TMEM130: variants seen among roughly 807,000 people sequenced by gnomAD.
TMEM130 encodes transmembrane protein 130.
In TMEM130, 37 loss-of-function variants were observed where a neutral mutation model predicts 42.9. The ratio of observed to expected loss-of-function variants is 0.86; its 90% CI spans 0.66 to 1.13. The LOEUF (loss-of-function observed/expected upper bound fraction) is 1.13, where lower values mean the gene tolerates loss of function less well. TMEM130 is among the 50% of genes most tolerant of loss of function. TMEM130 has a pLI of 0.00. For missense variants in TMEM130, 545 were observed against 562.6 expected (o/e 0.97, Z 0.32); for synonymous variants, 259 against 237.7 (o/e 1.09, Z -0.82).
At chr7:98,857,707 G>GAAACAA (rs71118636) in intron 3 of TMEM130, among the ~76,000 whole-genome samples, 117,265 of 138,970 alleles carry the variant, frequency 0.84, 49,609 homozygotes, top group South Asian at 0.88. Context: ...CTCAAAAACA[G>GAAACAA]AAACAAAAAC....
chr7:98,850,273 A>ATTTTTTTTTT lies in TMEM130; in HGVS notation c.1006+1138_1006+1147dup, dbSNP rs1554398023. Among the ~76,000 whole-genome samples the ATTTTTTTTTT allele has an allele frequency of 3.9e-4, 14 of 35,468 alleles. 1 individual carries two copies. The highest frequency in any genetic ancestry group is 1.1e-3 in the African/African-American group (14 of 13,122). The allele number at this position is 35,468 out of a possible 152,430, so 23.3% of individuals were successfully genotyped here. ...CTCATATATATATATATATATATAT[A>ATTTTTTTTTT]TTTTTTTTTTTTTTTAATTTTTTGA... is the stretch of plus-strand genomic sequence containing the variant. On this transcript the variant is annotated intron_variant, in intron 6 of 7. Transcript: ENST00000339375.
chr7:98,856,885 C>T lies in TMEM130; in HGVS notation c.552-702G>A, dbSNP rs114238439. ...AATTGTCTGCTTTCCAATATTTATA[C>T]TGTACTTTTTATCTCTCTCTCCCTT... On this transcript the variant is annotated intron_variant, in intron 3 of 7. Transcript: ENST00000339375. Among the ~76,000 whole-genome samples the T allele has an allele frequency of 6.1e-3, 921 of 152,154 alleles. 7 individuals are homozygous for T. The highest frequency in any genetic ancestry group is 0.021 in the African/African-American group (882 of 41,532).
Position 98,869,193 on chromosome 7 carries a change from C to CCA in TMEM130, c.85+582_85+583dup, listed in dbSNP as rs782355419. 32 of 1,283,462 alleles carry CCA rather than the reference C, an allele frequency of 2.5e-5. No individual in the cohort carries two copies. The highest frequency in any genetic ancestry group is 1.7e-4 in the East Asian group (3 of 17,684). 79.5% of individuals were successfully genotyped at this position (1,283,462 alleles called of 1,614,324 possible). ...AACCCTGCTTCCCCCACTCCCCCACCCACACACACACCCCAGGAACCTGTC... is the reference window on the plus strand; with the variant it reads ...AACCCTGCTTCCCCCACTCCCCCACCCACACACACACACCCCAGGAACCTGTC... On this transcript the variant is annotated intron_variant, in intron 1 of 7. Coordinates refer to ENST00000339375, the MANE Select transcript of TMEM130 (RefSeq NM_152913.3). This position sits in a 1 kb window ranked among gnomAD's most constrained non-coding sequence, Gnocchi z 4.7.
intron 1 of TMEM130, among the ~76,000 whole-genome samples, chr7:98,865,160 C>G (rs1794879353): frequency 6.6e-6 from 1 of 152,244 alleles, no homozygotes; most frequent in South Asian, 2.1e-4. Flanking sequence ...GCAGAGGGAC[C>G]AGCCCACCTG....
intron 3 of TMEM130, among the ~76,000 whole-genome samples, chr7:98,859,413 A>C (rs1289591119): frequency 7.9e-5 from 12 of 152,200 alleles, no homozygotes; most frequent in South Asian, 6.2e-4. Context: ...ATGTACCTTT[A>C]CCTTCCTTAA....
At chr7:98,860,129 A>G (rs1554399543) in intron 3 of TMEM130, 50 bp downstream of exon 3, 1 of 1,578,054 alleles carries the variant, frequency 6.3e-7, no homozygotes, top group Admixed American at 1.8e-5. Context: ...TGCGCGGGAC[A>G]GTGGGGCACC....
chr7:98,848,186 A>AC lies in TMEM130; in HGVS notation c.1141dup (p.Val381GlyfsTer19). 6.2e-7 allele frequency: 1 copy of AC among 1,614,030 alleles called. No individual in the cohort carries two copies. The highest frequency in any genetic ancestry group is 8.5e-7 in the Non-Finnish European group (1 of 1,179,976). ...ACAGCACATCTGGCAGCAGCACCTG[A>AC]CCCCAGAGGGTGGCTCCGGGTTCTT... On this transcript the variant is annotated frameshift_variant, in exon 8 of 8. Coordinates refer to ENST00000339375, the MANE Select transcript of TMEM130 (RefSeq NM_152913.3). LOFTEE classifies it high-confidence loss of function.
At chr7:98,848,861 G>A (rs1427924162) in intron 6 of TMEM130, among the ~76,000 whole-genome samples, 166 bp from the exon 7 acceptor site, 1 of 152,066 alleles carries the variant, frequency 6.6e-6, no homozygotes, top group Non-Finnish European at 1.5e-5. Context: ...GTAAATCCAG[G>A]ACTTCACAAA....
chr7:98,848,546 G>T (rs781984689), intron 7 of TMEM130, 37 bp downstream of exon 7: 2 of 1,396,330 alleles, frequency 1.4e-6, no homozygotes, highest in Non-Finnish European at 1.0e-6. Context: ...TCTAGGCAAG[G>T]CCCAGTAGTC....
intron 3 of TMEM130, among the ~76,000 whole-genome samples, chr7:98,858,344 C>A (rs1387712527): frequency 6.9e-6 from 1 of 144,916 alleles, no homozygotes; most frequent in Non-Finnish European, 1.5e-5. Flanking sequence ...AGCTCAAGAC[C>A]AGCCTGGCCA....
At chr7:98,853,350 G>A (rs550343871) in intron 5 of TMEM130, among the ~76,000 whole-genome samples, 3 of 152,160 alleles carry the variant, frequency 2.0e-5, no homozygotes, top group East Asian at 3.9e-4. Context: ...AGGGCGGGTC[G>A]GGCACGGTGG....
At chr7:98,858,115 G>C (rs1294961572) in intron 3 of TMEM130, among the ~76,000 whole-genome samples, 1 of 150,054 alleles carries the variant, frequency 6.7e-6, no homozygotes, top group Non-Finnish European at 1.5e-5. Context: ...TCTTTTTCTA[G>C]TTTATTTATA....
chr7:98,869,863 G>A lies in TMEM130; in HGVS notation c.-2C>T. ...GCGCGACCACACTGCCTGGGCCATT[G>A]CGGGGCCCGGAGCGGGAGAAGCGTG... is the stretch of plus-strand genomic sequence containing the variant. On this transcript the variant is annotated 5_prime_UTR_variant, in exon 1 of 8. Transcript: ENST00000339375. This position sits in a 1 kb window ranked among gnomAD's most constrained non-coding sequence, Gnocchi z 4.7. 7.3e-7 allele frequency: 1 copy of A among 1,375,112 alleles called. No homozygotes were observed. The highest frequency in any genetic ancestry group is 1.7e-5 in the South Asian group (1 of 59,364). The allele number at this position is 1,375,112 out of a possible 1,614,324, so 85.2% of individuals were successfully genotyped here. A position where few individuals can be genotyped will look rare whatever the true frequency, so the allele number is the denominator to read the frequency against.
chr7:98,859,038 A>G (rs535160654), intron 3 of TMEM130, among the ~76,000 whole-genome samples: 29 of 147,156 alleles, frequency 2.0e-4, no homozygotes, highest in Admixed American at 1.9e-3. Flanking sequence ...AGGAAGGAAG[A>G]AAGGAAGGGA....
At chr7:98,858,851 T>C (rs1794691461) in intron 3 of TMEM130, among the ~76,000 whole-genome samples, 1 of 151,324 alleles carries the variant, frequency 6.6e-6, no homozygotes, top group South Asian at 2.1e-4. Flanking sequence ...AGGTTGCTTT[T>C]GTCACCAAGA....
intron 1 of TMEM130, among the ~76,000 whole-genome samples, chr7:98,868,280 G>A (rs1402695864): frequency 6.6e-6 from 1 of 152,150 alleles, no homozygotes; most frequent in African/African-American, 2.4e-5. Context: ...ACATGGAGTT[G>A]GGGTATGGAG....
chr7:98,868,680 T>C (rs1418286316), intron 1 of TMEM130, among the ~76,000 whole-genome samples: 2 of 152,220 alleles, frequency 1.3e-5, no homozygotes, highest in African/African-American at 4.8e-5. Flanking sequence ...TTAGCCACTG[T>C]GATTTTGACC....
chr7:98,865,564 C>T lies in TMEM130; in HGVS notation c.86-2164G>A, dbSNP rs188090065. Among the ~76,000 whole-genome samples the T allele has an allele frequency of 5.9e-5, 9 of 152,002 alleles. 1 individual carries two copies. In the East Asian group the frequency reaches 1.4e-3, roughly 23 times the overall value. ...CAGAGGTTGCAGTGAGCCAAGATTGCGCCACTGCACTCCAGCCTGGACGAC... is the reference window on the plus strand; with the variant it reads ...CAGAGGTTGCAGTGAGCCAAGATTGTGCCACTGCACTCCAGCCTGGACGAC... On this transcript the variant is annotated intron_variant, in intron 1 of 7. Coordinates refer to ENST00000339375, the MANE Select transcript of TMEM130 (RefSeq NM_152913.3).
Position 98,869,797 on chromosome 7 carries a change from GC to G in TMEM130, c.64del (p.Ala22ProfsTer26). 2 of 1,433,374 alleles carry G rather than the reference GC, an allele frequency of 1.4e-6. No homozygotes were observed. The highest frequency in any genetic ancestry group is 1.8e-6 in the Non-Finnish European group (2 of 1,094,388). The allele number at this position is 1,433,374 out of a possible 1,614,324, so 88.8% of individuals were successfully genotyped here. A position where few individuals can be genotyped will look rare whatever the true frequency, so the allele number is the denominator to read the frequency against. On this transcript the variant is annotated frameshift_variant, in exon 1 of 8. Coordinates refer to ENST00000339375, the MANE Select transcript of TMEM130 (RefSeq NM_152913.3). LOFTEE classifies it high-confidence loss of function. This position sits in a 1 kb window ranked among gnomAD's most constrained non-coding sequence, Gnocchi z 4.7. ...CTTACCTGCGGCCACCCCTGCCGGGGCCCAGGGCAGGAGGCAGGCAAGCCAG... is the reference window on the plus strand; with the variant it reads ...CTTACCTGCGGCCACCCCTGCCGGGGCCAGGGCAGGAGGCAGGCAAGCCAG... ...ILWLACLLPW[A>X]PAGVAAGLYE...
Sources: gnomAD v4.1 joint callset for allele counts (sites outside exome capture counted in the v4.1 genomes callset) on GRCh38, gnomAD v4.1.1 for gene constraint, Gnocchi (gnomAD v3.1) non-coding constraint, MANE v1.5 for transcripts, NCBI Gene and HGNC (gene_info 2026-07-23, HGNC 2026-07-21) for gene names.